The following FAM131B variants were observed in gnomAD, a reference collection of about 807,000 sequenced individuals.
The protein encoded by FAM131B is protein FAM131B.
FAM131B carries 19 observed loss-of-function variants against 42.0 expected under a neutral mutation model. The ratio of observed to expected loss-of-function variants is 0.45; its 90% CI spans 0.32 to 0.66. The LOEUF (loss-of-function observed/expected upper bound fraction) is 0.66, where lower values mean the gene tolerates loss of function less well. FAM131B is among the 30% of genes least tolerant of loss of function. The probability of loss-of-function intolerance (pLI) is 0.05; values close to 1 mark genes in which losing one functional copy is unlikely to be tolerated. For synonymous variants in FAM131B, 183 were observed against 177.6 expected, an observed-to-expected ratio of 1.03 and a Z score of -0.24; for missense variants, 370 against 468.4, an observed-to-expected ratio of 0.79 and a Z score of 1.94.
At chr7:143,366,175 C>T (rs1804177638), upstream of FAM131B, among the ~76,000 whole-genome samples, 3 of 152,182 alleles carry the variant, frequency 2.0e-5, no homozygotes, top group Admixed American at 2.0e-4. Flanking sequence ...TGAATGGATA[C>T]ACGTTCTTTC....
At position 143,356,976 on chromosome 7, in the gene FAM131B, C is replaced by G; in HGVS notation, c.657G>C (p.Val219=). The change falls in exon 7 of 7, where the codon GTG becomes GTC. Residue 219 remains valine, a synonymous_variant. Transcript: ENST00000443739. The surrounding 1 kb of genome is among the most constrained non-coding windows in gnomAD (Gnocchi z 4.4). ...ACCCCAGACAGTACATACCCTGGGA[C>G]ACGTAAGAGTGAGGCCATCCATCCA... is the stretch of plus-strand genomic sequence containing the variant. ...APMDGWPHSY[V]SQGMYCLGSS... is the part of the protein sequence containing the mutation. 6.2e-7 allele frequency: 1 copy of G among 1,613,926 alleles called. No individual in the cohort carries two copies. The highest frequency in any genetic ancestry group is 8.5e-7 in the Non-Finnish European group (1 of 1,180,000).
At chr7:143,366,368 C>G (rs1465356746), upstream of FAM131B, among the ~76,000 whole-genome samples, 2 of 151,992 alleles carry the variant, frequency 1.3e-5, no homozygotes, top group Admixed American at 6.6e-5. Context: ...TATCAATGTC[C>G]TTGTATGGTG....
the FAM131B span, among the ~76,000 whole-genome samples, chr7:143,371,938 T>C: frequency 6.6e-6 from 1 of 152,286 alleles, no homozygotes; most frequent in East Asian, 1.9e-4. Context: ...ATTAGTTTGA[T>C]TTGATGTAGG....
chr7:143,373,377 G>C, the FAM131B span, among the ~76,000 whole-genome samples: 18 of 152,230 alleles, frequency 1.2e-4, no homozygotes, highest in Admixed American at 1.2e-3. Flanking sequence ...GCAAGAGAAA[G>C]AAATGAGGGT....
the FAM131B span, chr7:143,379,924 C>G: frequency 2.8e-6 from 1 of 358,760 alleles, no homozygotes; most frequent in Non-Finnish European, 3.9e-6. Flanking sequence ...CCTGCCTTTA[C>G]CTGGGTGTGA....
chr7:143,357,316 A>C lies in FAM131B; in HGVS notation c.574T>G (p.Tyr192Asp). Residue 192 changes from tyrosine to aspartate, a missense_variant, in exon 6 of 7, where the codon TAC (tyrosine) becomes GAC (aspartate). Transcript: ENST00000443739. ...NSTQEPLGCN[Y>D]SDNYQELMDS... Reference sequence around the variant, plus strand: ...ATCAGTTCCTGGTAGTTGTCACTGTAGTTGCAGCCCAATGGCTCCTGGGTG... The same window carrying C: ...ATCAGTTCCTGGTAGTTGTCACTGTCGTTGCAGCCCAATGGCTCCTGGGTG... The C allele has an allele frequency of 6.2e-6, 10 of 1,614,186 alleles. No homozygotes were observed. The highest frequency in any genetic ancestry group is 8.5e-6 in the Non-Finnish European group (10 of 1,180,012).
At chr7:143,372,338 A>C in the FAM131B span, among the ~76,000 whole-genome samples, 1,013 of 152,368 alleles carry the variant, frequency 6.6e-3, 12 homozygotes, top group African/African-American at 0.023. Context: ...GACAGATGTA[A>C]GGGAGTGACT....
the FAM131B span, among the ~76,000 whole-genome samples, chr7:143,369,903 GT>G: frequency 2.6e-5 from 4 of 152,166 alleles, no homozygotes; most frequent in Admixed American, 2.0e-4. Flanking sequence ...CTGGGTGGGG[GT>G]CCACTTGAAA....
chr7:143,376,111 C>G, the FAM131B span, among the ~76,000 whole-genome samples: 1 of 152,148 alleles, frequency 6.6e-6, no homozygotes, highest in Non-Finnish European at 1.5e-5. Flanking sequence ...CCCTGGATGC[C>G]TTATGTAGAT....
At chr7:143,369,493 G>A in the FAM131B span, among the ~76,000 whole-genome samples, 2 of 151,992 alleles carry the variant, frequency 1.3e-5, no homozygotes, top group African/African-American at 2.4e-5. Flanking sequence ...TGGCCAACAC[G>A]GTGAAACCCC....
At chr7:143,371,576 T>C in the FAM131B span, among the ~76,000 whole-genome samples, 4 of 133,148 alleles carry the variant, frequency 3.0e-5, no homozygotes, top group Non-Finnish European at 6.1e-5. Flanking sequence ...ATTATGCCAT[T>C]GCACTCCAGC....
intron 1 of FAM131B, chr7:143,361,006 T>C (rs895717283): frequency 6.6e-6 from 1 of 152,056 alleles, no homozygotes; most frequent in Non-Finnish European, 1.5e-5. Context: ...TGGGTCTTCA[T>C]AAAGGGACTA....
At chr7:143,368,848 C>G in the FAM131B span, among the ~76,000 whole-genome samples, 152,257 of 152,342 alleles carry the variant, frequency 1, 76,086 homozygotes, top group Middle Eastern at 1. Context: ...ATCTGTTTCA[C>G]CTACAAAGTC....
Position 143,362,513 on chromosome 7 carries a change from G to C in FAM131B, c.28+63C>G. Reference sequence around the variant, plus strand: ...CCCGGAGGCGCGAGGAGAGGGATGGGGGAGGGGGTCGGAGGGCGGCCCGGG... The same window carrying C: ...CCCGGAGGCGCGAGGAGAGGGATGGCGGAGGGGGTCGGAGGGCGGCCCGGG... On this transcript the variant is annotated intron_variant, in intron 1 of 6. Coordinates refer to ENST00000443739, the MANE Select transcript of FAM131B (RefSeq NM_001031690.3). The surrounding 1 kb of genome is among the most constrained non-coding windows in gnomAD (Gnocchi z 7.7). 1.4e-6 allele frequency: 1 copy of C among 733,856 alleles called. No homozygotes were observed. The highest frequency in any genetic ancestry group is 1.9e-6 in the Non-Finnish European group (1 of 534,974). 45.5% of individuals were successfully genotyped at this position (733,856 alleles called of 1,614,324 possible). A position where few individuals can be genotyped will look rare whatever the true frequency, so the allele number is the denominator to read the frequency against.
In FAM131B at chr7:143,358,141, G is replaced by A. The variant is rs570762266; in HGVS notation, c.466+686C>T. 2.4e-4 allele frequency among the ~76,000 whole-genome samples: 37 copies of A among 152,268 alleles called. No homozygotes were observed. Among genetic ancestry groups the A allele is most frequent in the African/African-American group, 7.0e-4 (29 of 41,544 alleles). On this transcript the variant is annotated intron_variant, in intron 5 of 6. Transcript: ENST00000443739. This position sits in a 1 kb window ranked among gnomAD's most constrained non-coding sequence, Gnocchi z 4.7. ...ATCCCTATTCTAGTCAAATCCATGA[G>A]CGTGTTGAAGCTGGTACTGCTCCTG...
Position 143,356,838 on chromosome 7 carries a change from A to G in FAM131B, c.795T>C (p.Pro265=). The change falls in exon 7 of 7, where the codon CCT becomes CCC. Residue 265 remains proline (P), a synonymous_variant. Transcript: ENST00000443739. This position sits in a 1 kb window ranked among gnomAD's most constrained non-coding sequence, Gnocchi z 4.4. ...DSQPSLHEMG[P]SQPASGYSAL... ...CAGAGTATCCTGAAGCTGGTTGGGAAGGTCCCATTTCATGCAAGCTGGGTT... is the reference window on the plus strand; with the variant it reads ...CAGAGTATCCTGAAGCTGGTTGGGAGGGTCCCATTTCATGCAAGCTGGGTT... 6 of 1,614,154 alleles carry G rather than the reference A, an allele frequency of 3.7e-6. No individual in the cohort carries two copies. The highest frequency in any genetic ancestry group is 5.1e-6 in the Non-Finnish European group (6 of 1,180,028).
chr7:143,380,403 A>C, the FAM131B span: 2 of 985,014 alleles, frequency 2.0e-6, no homozygotes, highest in Non-Finnish European at 2.4e-6. This position sits in a 1 kb window ranked among gnomAD's most constrained non-coding sequence, Gnocchi z 5.0. Context: ...CACCAAGCGC[A>C]GTCTCAGAAT....
At chr7:143,370,592 T>C in the FAM131B span, among the ~76,000 whole-genome samples, 3 of 152,170 alleles carry the variant, frequency 2.0e-5, no homozygotes, top group Admixed American at 2.0e-4. Context: ...TAACCTCTGG[T>C]CTTCACTGCT....
rs558108883 is a variant in FAM131B, at chr7:143,356,905, G to C, written c.728C>G (p.Pro243Arg). 16 of 1,614,094 alleles carry C rather than the reference G, an allele frequency of 9.9e-6. No individual in the cohort carries two copies. Among genetic ancestry groups the C allele is most frequent in the Non-Finnish European group, 1.3e-5 (15 of 1,180,016 alleles). The part of the protein sequence containing the change: ...EASDQSLIAS[P>R]ATGSYLGPAF... ...AGGCCCAAGATAGGATCCTGTGGCCGGAGAGGCAATGAGGGACTGATCGCT... is the reference window on the plus strand; with the variant it reads ...AGGCCCAAGATAGGATCCTGTGGCCCGAGAGGCAATGAGGGACTGATCGCT... The change falls in exon 7 of 7, where the codon CCG becomes CGG. Residue 243 changes from proline (P) to arginine (R), a missense_variant. Transcript: ENST00000443739. This position sits in a 1 kb window ranked among gnomAD's most constrained non-coding sequence, Gnocchi z 4.4.
Sources: gnomAD v4.1 joint callset for allele counts (sites outside exome capture counted in the v4.1 genomes callset) on GRCh38, gnomAD v4.1.1 for gene constraint, Gnocchi (gnomAD v3.1) non-coding constraint, MANE v1.5 for transcripts, NCBI Gene and HGNC (gene_info 2026-07-23, HGNC 2026-07-21) for gene names.